Variants in KCNIP4 observed in about 807,000 individuals in gnomAD.
The protein encoded by KCNIP4 is Kv channel-interacting protein 4.
Under a neutral mutation model 34.0 loss-of-function variants are expected in KCNIP4, and 12 were observed. That is an observed-to-expected ratio of 0.35 (90% CI 0.23 to 0.57). The LOEUF (loss-of-function observed/expected upper bound fraction) is 0.57, where lower values mean the gene tolerates loss of function less well. Ranked by LOEUF, KCNIP4 falls within the 20% of genes least tolerant of loss-of-function variation. KCNIP4 has a pLI of 0.83. For missense variants in KCNIP4, 238 were observed against 311.7 expected (o/e 0.76, Z 1.78); for synonymous variants, 124 against 102.2 (o/e 1.21, Z -1.29).
At chr4:20,885,717 T>C (rs1337369392) in intron 1 of KCNIP4, among the ~76,000 whole-genome samples, 5 of 152,170 alleles carry the variant, frequency 3.3e-5, no homozygotes, top group African/African-American at 1.2e-4. Context: ...CTTCAAAAAG[T>C]TAGGATCAGA....
intron 1 of KCNIP4, among the ~76,000 whole-genome samples, chr4:21,295,786 T>C (rs1406221274): frequency 6.6e-6 from 1 of 152,188 alleles, no homozygotes; most frequent in African/African-American, 2.4e-5. Flanking sequence ...GGATTATATA[T>C]TCCTATATAT....
chr4:21,046,576 C>CT (rs1431591482), intron 1 of KCNIP4, among the ~76,000 whole-genome samples: 7 of 72,568 alleles, frequency 9.6e-5, no homozygotes, highest in South Asian at 3.7e-4. Flanking sequence ...GAGTTACTAG[C>CT]TAATTTATTT....
chr4:20,890,131 C>T (rs1356125764), intron 1 of KCNIP4, among the ~76,000 whole-genome samples: 1 of 152,094 alleles, frequency 6.6e-6, no homozygotes, highest in Non-Finnish European at 1.5e-5. Context: ...CATTTAAAAG[C>T]ATTTGTTGAA....
chr4:21,893,626 A>T (rs903346885), intron 1 of KCNIP4, among the ~76,000 whole-genome samples: 1 of 152,192 alleles, frequency 6.6e-6, no homozygotes, highest in Admixed American at 6.6e-5. Flanking sequence ...CAACATTTGC[A>T]ATTTACTTGT....
intron 1 of KCNIP4, among the ~76,000 whole-genome samples, chr4:21,180,470 C>T (rs1003811353): frequency 9.9e-5 from 15 of 151,372 alleles, no homozygotes; most frequent in Non-Finnish European, 2.1e-4. Flanking sequence ...ATAATACTTG[C>T]CAATAAGTAA....
At chr4:21,429,595 C>T (rs1193993572) in intron 1 of KCNIP4, among the ~76,000 whole-genome samples, 1 of 152,162 alleles carries the variant, frequency 6.6e-6, no homozygotes, top group African/African-American at 2.4e-5. Flanking sequence ...ATTTTGCCTT[C>T]CCAACAACAG....
chr4:21,206,896 A>G (rs567460738), intron 1 of KCNIP4, among the ~76,000 whole-genome samples: 1 of 152,342 alleles, frequency 6.6e-6, no homozygotes, highest in South Asian at 2.1e-4. Context: ...GCTCTTCACC[A>G]TTATAGCTAC....
intron 1 of KCNIP4, among the ~76,000 whole-genome samples, chr4:21,422,856 AG>A (rs1207888536): frequency 3.3e-5 from 5 of 152,168 alleles, no homozygotes; most frequent in African/African-American, 9.7e-5. Context: ...AAAGCAGGTA[AG>A]GGCTCCAGAG....
At chr4:21,138,919 G>C (rs1316466219) in intron 1 of KCNIP4, among the ~76,000 whole-genome samples, 1 of 152,106 alleles carries the variant, frequency 6.6e-6, no homozygotes, top group African/African-American at 2.4e-5. Context: ...AAGAAACACG[G>C]GCCTGCCAAG....
chr4:21,234,293 T>C (rs570419636), intron 1 of KCNIP4, among the ~76,000 whole-genome samples: 1 of 84,706 alleles, frequency 1.2e-5, no homozygotes, highest in Non-Finnish European at 2.0e-5. Context: ...TAACATATAT[T>C]ATATATAACA....
intron 1 of KCNIP4, among the ~76,000 whole-genome samples, chr4:21,674,662 T>C (rs1577816603): frequency 6.6e-6 from 1 of 152,140 alleles, no homozygotes; most frequent in Admixed American, 6.5e-5. Context: ...ACTTGTTCCC[T>C]TGTTCTTATT....
chr4:21,069,923 T>C (rs1209156665), intron 1 of KCNIP4, among the ~76,000 whole-genome samples: 3 of 151,878 alleles, frequency 2.0e-5, no homozygotes, highest in South Asian at 2.1e-4. Flanking sequence ...ATCACCACTA[T>C]AATTAAGATA....
chr4:20,981,323 C>T (rs1736041431), intron 1 of KCNIP4, among the ~76,000 whole-genome samples: 1 of 152,162 alleles, frequency 6.6e-6, no homozygotes, highest in African/African-American at 2.4e-5. Context: ...GGGTCCCATT[C>T]CTGGGTTGAG....
At chr4:21,448,603 C>G (rs1365576691) in intron 1 of KCNIP4, among the ~76,000 whole-genome samples, 3 of 151,984 alleles carry the variant, frequency 2.0e-5, no homozygotes, top group Non-Finnish European at 4.4e-5. Flanking sequence ...AAACCAATAG[C>G]AGATGATTCA....
At chr4:21,859,756 T>G (rs1294593633) in intron 1 of KCNIP4, among the ~76,000 whole-genome samples, 1 of 152,042 alleles carries the variant, frequency 6.6e-6, no homozygotes, top group African/African-American at 2.4e-5. Flanking sequence ...CAGAAGGGAG[T>G]GGCGGCTCAT....
intron 1 of KCNIP4, among the ~76,000 whole-genome samples, chr4:21,899,962 A>C (rs1457883411): frequency 6.7e-6 from 1 of 149,258 alleles, no homozygotes; most frequent in Admixed American, 6.7e-5. Flanking sequence ...TATCCTGAAT[A>C]CAAATGAAAA....
At chr4:21,107,834 T>C (rs1010429128) in intron 1 of KCNIP4, among the ~76,000 whole-genome samples, 1 of 151,442 alleles carries the variant, frequency 6.6e-6, no homozygotes, top group South Asian at 2.1e-4. Flanking sequence ...GTCTGTAAAG[T>C]ATTTTATTTC....
At chr4:20,781,296 A>T (rs1378011679) in intron 3 of KCNIP4, among the ~76,000 whole-genome samples, 1 of 152,204 alleles carries the variant, frequency 6.6e-6, no homozygotes, top group Admixed American at 6.5e-5. Context: ...TATTCACTAG[A>T]TCTCTATTAA....
chr4:21,419,948 G>A (rs1228270738), intron 1 of KCNIP4, among the ~76,000 whole-genome samples: 2 of 152,048 alleles, frequency 1.3e-5, no homozygotes, highest in Non-Finnish European at 2.9e-5. Flanking sequence ...ATTTGCACAG[G>A]GGTCATTCCA....
Sources: allele counts gnomAD v4.1 joint callset (sites outside exome capture counted in the v4.1 genomes callset), GRCh38; gene constraint gnomAD v4.1.1; transcripts MANE v1.5; gene names NCBI Gene and HGNC (gene_info 2026-07-23, HGNC 2026-07-21).